The following BARX2 variants were observed in gnomAD, a reference collection of about 807,000 sequenced individuals.
The protein encoded by BARX2 is BARX homeobox 2, also known as homeobox protein BarH-like 2.
In BARX2, 11 loss-of-function variants were observed where a neutral mutation model predicts 25.5. That is an observed-to-expected ratio of 0.43 (90% CI 0.27 to 0.71). BARX2 has a LOEUF of 0.71. BARX2 is among the 30% of genes least tolerant of loss of function. The pLI is 0.19. For missense variants in BARX2, 360 were observed against 359.9 expected, an observed-to-expected ratio of 1.00 and a Z score of 0.00; for synonymous variants, 137 against 149.5, an observed-to-expected ratio of 0.92 and a Z score of 0.61.
chr11:129,403,353 G>A (rs574605937), intron 1 of BARX2, among the ~76,000 whole-genome samples: 8 of 152,218 alleles, frequency 5.3e-5, no homozygotes, highest in African/African-American at 1.9e-4. Flanking sequence ...TTAAAGGCTT[G>A]TGTGAAATCT....
At chr11:129,404,008 G>A (rs1861804051) in intron 1 of BARX2, among the ~76,000 whole-genome samples, 1 of 152,300 alleles carries the variant, frequency 6.6e-6, no homozygotes, top group Middle Eastern at 3.4e-3. Context: ...CAAGGGTTTG[G>A]AGTCCTGCAC....
At chr11:129,400,792 G>T (rs917225631) in intron 1 of BARX2, among the ~76,000 whole-genome samples, 3 of 152,180 alleles carry the variant, frequency 2.0e-5, no homozygotes, top group African/African-American at 4.8e-5. Flanking sequence ...GCGGTGGCAG[G>T]CGTGGGTCAA....
chr11:129,404,340 G>T (rs1393920729), intron 1 of BARX2, among the ~76,000 whole-genome samples: 1 of 152,244 alleles, frequency 6.6e-6, no homozygotes, highest in Non-Finnish European at 1.5e-5. Flanking sequence ...CAAAATGATG[G>T]TGGGACTCAG....
intron 1 of BARX2, among the ~76,000 whole-genome samples, chr11:129,391,236 C>T (rs61911189): frequency 0.16 from 23,821 of 152,162 alleles, 2,396 homozygotes; most frequent in Middle Eastern, 0.26. Context: ...TTTTCACATT[C>T]GTAAACCGAG....
chr11:129,409,790 A>G (rs1376227754), intron 1 of BARX2, among the ~76,000 whole-genome samples: 3 of 152,116 alleles, frequency 2.0e-5, no homozygotes, highest in Non-Finnish European at 4.4e-5. Context: ...TTTTTCATTC[A>G]TTGTTAAGAT....
chr11:129,428,048 T>G (rs1379303377), intron 1 of BARX2, among the ~76,000 whole-genome samples: 1 of 152,214 alleles, frequency 6.6e-6, no homozygotes, highest in African/African-American at 2.4e-5. Context: ...TCTAGGTAAA[T>G]GATATGCACA....
In BARX2 at chr11:129,436,556, G is replaced by A. The variant is rs746552602; in HGVS notation, c.188-195G>A. ...GCCGTGGGCTTCATCTTCCCACACA[G>A]AGCAGAGCAGACCTCTGTGCCTGCC... On this transcript the variant is annotated intron_variant, in intron 1 of 3. Transcript: ENST00000281437. This position sits in a 1 kb window ranked among gnomAD's most constrained non-coding sequence, Gnocchi z 4.5. The A allele has an allele frequency of 2.0e-5, 11 of 540,100 alleles. No individual in the cohort carries two copies. Among genetic ancestry groups the A allele is most frequent in the East Asian group, 1.2e-4 (4 of 34,006 alleles). 33.5% of individuals were successfully genotyped at this position (540,100 alleles called of 1,614,324 possible). A position where few individuals can be genotyped will look rare whatever the true frequency, so the allele number is the denominator to read the frequency against.
At chr11:129,414,086 G>C (rs907338843) in intron 1 of BARX2, among the ~76,000 whole-genome samples, 1 of 149,782 alleles carries the variant, frequency 6.7e-6, no homozygotes, top group Non-Finnish European at 1.5e-5. Context: ...AAGAGAGAGC[G>C]GACAGTAATA....
At chr11:129,432,169 T>C (rs1457860254) in intron 1 of BARX2, among the ~76,000 whole-genome samples, 1 of 152,130 alleles carries the variant, frequency 6.6e-6, no homozygotes, top group African/African-American at 2.4e-5. Context: ...TTCAAGGGAT[T>C]CTTATGACTC....
At chr11:129,375,757 C>T (rs1861494834), upstream of BARX2, among the ~76,000 whole-genome samples, 2 of 152,076 alleles carry the variant, frequency 1.3e-5, no homozygotes, top group Non-Finnish European at 1.5e-5. This position sits in a 1 kb window ranked among gnomAD's most constrained non-coding sequence, Gnocchi z 4.0. Context: ...GCGGACGCCC[C>T]TCAGCACACA....
chr11:129,434,270 A>G (rs1862161888), intron 1 of BARX2, among the ~76,000 whole-genome samples: 1 of 149,250 alleles, frequency 6.7e-6, no homozygotes. Context: ...TTTTTTTAAG[A>G]GACAGAATCT....
At chr11:129,413,422 C>T (rs1254535941) in intron 1 of BARX2, among the ~76,000 whole-genome samples, 1 of 152,062 alleles carries the variant, frequency 6.6e-6, no homozygotes, top group Admixed American at 6.6e-5. Context: ...TTCTTGAATA[C>T]TGAGTAAGTG....
At chr11:129,402,101 G>A (rs12577247) in intron 1 of BARX2, among the ~76,000 whole-genome samples, 40,783 of 151,060 alleles carry the variant, frequency 0.27, 7,152 homozygotes, top group East Asian at 0.53. Flanking sequence ...ATAAATCATC[G>A]TAGTGTATGG....
chr11:129,387,706 A>G (rs1281222406), intron 1 of BARX2, among the ~76,000 whole-genome samples: 2 of 152,154 alleles, frequency 1.3e-5, no homozygotes, highest in African/African-American at 2.4e-5. Flanking sequence ...GGAACATCCT[A>G]TTGGAGTGCT....
At chr11:129,449,709 T>C (rs777110955) in intron 3 of BARX2, among the ~76,000 whole-genome samples, 33 of 152,212 alleles carry the variant, frequency 2.2e-4, no homozygotes, top group Non-Finnish European at 3.8e-4. Flanking sequence ...TTGCTTTATA[T>C]CTTTTCTCGA....
At chr11:129,413,224 T>C (rs1486105615) in intron 1 of BARX2, among the ~76,000 whole-genome samples, 1 of 152,182 alleles carries the variant, frequency 6.6e-6, no homozygotes, top group Non-Finnish European at 1.5e-5. Context: ...ATTATTATTA[T>C]CTCTTTTCAA....
chr11:129,436,425 C>T lies in BARX2; in HGVS notation c.188-326C>T, dbSNP rs1862189484. 1 of 324,830 alleles carries T rather than the reference C, an allele frequency of 3.1e-6. No homozygotes were observed. Among genetic ancestry groups the T allele is most frequent in the African/African-American group, 2.1e-5 (1 of 47,210 alleles). The allele number at this position is 324,830 out of a possible 1,614,324, so 20.1% of individuals were successfully genotyped here. On this transcript the variant is annotated intron_variant, in intron 1 of 3. Transcript: ENST00000281437. This position sits in a 1 kb window ranked among gnomAD's most constrained non-coding sequence, Gnocchi z 4.5. ...ATGTGTCTCTAGCTTTTCCTGACTA[C>T]TTCTTTTCATCTGCCTGGTCCCATG...
At chr11:129,378,529 G>T (rs1263579283) in intron 1 of BARX2, among the ~76,000 whole-genome samples, 3 of 149,942 alleles carry the variant, frequency 2.0e-5, no homozygotes, top group Admixed American at 1.3e-4. Flanking sequence ...GCATCCCAAA[G>T]GACACTGTAA....
At chr11:129,398,254 G>C (rs1291039098) in intron 1 of BARX2, among the ~76,000 whole-genome samples, 1 of 152,160 alleles carries the variant, frequency 6.6e-6, no homozygotes, top group African/African-American at 2.4e-5. Context: ...CTGCCTTGGA[G>C]GGTCAGAGTA....
Sources: allele counts gnomAD v4.1 joint callset (sites outside exome capture counted in the v4.1 genomes callset), GRCh38; gene constraint gnomAD v4.1.1; non-coding constraint Gnocchi (gnomAD v3.1); transcripts MANE v1.5; gene names NCBI Gene and HGNC (gene_info 2026-07-23, HGNC 2026-07-21).